AGBL4: variants seen among roughly 807,000 people sequenced by gnomAD.
AGBL4 encodes the protein cytosolic carboxypeptidase 6.
Under a neutral mutation model 66.4 loss-of-function variants are expected in AGBL4, and 58 were observed. That is an observed-to-expected ratio of 0.87 (90% confidence interval 0.71 to 1.09). The LOEUF (loss-of-function observed/expected upper bound fraction) is 1.09. Ranked by LOEUF, AGBL4 falls within the 50% of genes least tolerant of loss-of-function variation. The probability of loss-of-function intolerance (pLI) is 0.00; values close to 1 mark genes in which losing one functional copy is unlikely to be tolerated. For synonymous variants in AGBL4, 234 were observed against 222.9 expected (o/e 1.05, Z -0.44); for missense variants, 579 against 631.0 (o/e 0.92, Z 0.88).
intron 1 of AGBL4, among the ~76,000 whole-genome samples, chr1:49,973,618 A>G (rs1294480237): frequency 6.7e-6 from 1 of 148,438 alleles, no homozygotes; most frequent in Non-Finnish European, 1.5e-5. Flanking sequence ...TGGATTATCT[A>G]TTATACATAT....
chr1:49,125,810 T>C (rs1424045906), intron 4 of AGBL4, among the ~76,000 whole-genome samples: 2 of 152,150 alleles, frequency 1.3e-5, no homozygotes, highest in East Asian at 3.9e-4. Flanking sequence ...TGAGCCCAAA[T>C]CTTTCTTCCA....
chr1:49,730,036 T>C (rs1293489734), intron 2 of AGBL4, among the ~76,000 whole-genome samples: 1 of 152,136 alleles, frequency 6.6e-6, no homozygotes, highest in Non-Finnish European at 1.5e-5. Flanking sequence ...AATCAAACGC[T>C]GCCTCTTTCA....
intron 2 of AGBL4, among the ~76,000 whole-genome samples, chr1:49,785,132 T>C (rs1330913133): frequency 3.3e-5 from 5 of 152,096 alleles, no homozygotes; most frequent in Non-Finnish European, 4.4e-5. Context: ...CTAGAATTTA[T>C]AGAAGTAGAT....
intron 6 of AGBL4, among the ~76,000 whole-genome samples, chr1:48,704,840 A>ATAGTGTAGG (rs1390192348): frequency 6.6e-6 from 1 of 152,208 alleles, no homozygotes; most frequent in Non-Finnish European, 1.5e-5. Context: ...AATTAAAAGT[A>ATAGTGTAGG]TAGTGTAGGA....
chr1:49,519,585 G>T (rs764064261), intron 3 of AGBL4, among the ~76,000 whole-genome samples: 2 of 152,022 alleles, frequency 1.3e-5, no homozygotes, highest in African/African-American at 2.4e-5. Flanking sequence ...CACCACCAGT[G>T]GCTTTGAAAC....
intron 6 of AGBL4, among the ~76,000 whole-genome samples, chr1:48,664,889 G>A (rs1646161481): frequency 6.6e-6 from 1 of 152,202 alleles, no homozygotes; most frequent in South Asian, 2.1e-4. Context: ...AACATTGAGA[G>A]AGGTTGAATT....
chr1:48,716,980 G>A (rs149180282), intron 6 of AGBL4, among the ~76,000 whole-genome samples: 3 of 152,282 alleles, frequency 2.0e-5, no homozygotes, highest in Admixed American at 1.3e-4. Flanking sequence ...ACCGATCCCC[G>A]ATTTAATCCT....
intron 3 of AGBL4, among the ~76,000 whole-genome samples, chr1:49,459,884 T>C (rs977541123): frequency 6.6e-6 from 1 of 151,680 alleles, no homozygotes. Flanking sequence ...ATTCAAATAA[T>C]TTTTTAAATT....
chr1:49,939,197 A>T lies in AGBL4; in HGVS notation c.34+84566T>A, dbSNP rs376569064. ...ACTACAAACCACTGCTCAATGAAAT[A>T]AAAGAGGATACAAACAAATGGAAGA... On this transcript the variant is annotated intron_variant, in intron 1 of 13. Coordinates refer to ENST00000371839, the MANE Select transcript of AGBL4 (RefSeq NM_032785.4). 9.4e-3 allele frequency among the ~76,000 whole-genome samples: 1,429 copies of T among 151,844 alleles called. 46 individuals are homozygous for T. The highest frequency in any genetic ancestry group is 0.07 in the Admixed American group (1,062 of 15,236).
chr1:49,720,468 T>A (rs1648512812), intron 2 of AGBL4, among the ~76,000 whole-genome samples: 1 of 152,194 alleles, frequency 6.6e-6, no homozygotes, highest in African/African-American at 2.4e-5. Flanking sequence ...TCTCCAAATG[T>A]TCATTGAGCA....
At chr1:49,270,285 T>A (rs2148384480) in intron 3 of AGBL4, among the ~76,000 whole-genome samples, 1 of 152,314 alleles carries the variant, frequency 6.6e-6, no homozygotes, top group Non-Finnish European at 1.5e-5. Flanking sequence ...TTGTTTTATG[T>A]CCTTGAAAGC....
intron 1 of AGBL4, among the ~76,000 whole-genome samples, chr1:49,991,027 G>A (rs1659903628): frequency 1.3e-5 from 2 of 152,102 alleles, no homozygotes; most frequent in Non-Finnish European, 2.9e-5. Context: ...CATAGCACAT[G>A]TGAAAAATGT....
chr1:49,754,594 C>T (rs1651752047), intron 2 of AGBL4, among the ~76,000 whole-genome samples: 1 of 152,114 alleles, frequency 6.6e-6, no homozygotes, highest in Non-Finnish European at 1.5e-5. Flanking sequence ...CCAACAGATG[C>T]CAGCTGGAGC....
intron 1 of AGBL4, among the ~76,000 whole-genome samples, chr1:49,861,902 G>T (rs1482268993): frequency 1.3e-5 from 2 of 152,286 alleles, no homozygotes. Flanking sequence ...TATCTGAAAA[G>T]CCTTTACAAG....
At chr1:49,056,267 C>T (rs939573518) in intron 4 of AGBL4, among the ~76,000 whole-genome samples, 2 of 151,366 alleles carry the variant, frequency 1.3e-5, no homozygotes, top group African/African-American at 2.4e-5. Context: ...AAAAAAAAAG[C>T]AATTCCATGC....
At chr1:49,286,895 G>A (rs1473098488) in intron 3 of AGBL4, among the ~76,000 whole-genome samples, 90 of 152,154 alleles carry the variant, frequency 5.9e-4, no homozygotes, top group Middle Eastern at 3.4e-3. Context: ...AAAAGAGCCC[G>A]CATCGCCAAG....
At chr1:49,886,916 T>C (rs1278634183) in intron 1 of AGBL4, among the ~76,000 whole-genome samples, 4 of 152,048 alleles carry the variant, frequency 2.6e-5, no homozygotes, top group African/African-American at 9.7e-5. Context: ...CCAGATTCAA[T>C]TTTCAAAGAG....
chr1:49,936,707 T>G (rs966634374), intron 1 of AGBL4, among the ~76,000 whole-genome samples: 4 of 152,152 alleles, frequency 2.6e-5, no homozygotes, highest in Admixed American at 1.3e-4. Context: ...AAAAGAATTT[T>G]CAACCCAGAA....
chr1:49,709,092 G>A (rs1158254566), intron 2 of AGBL4, among the ~76,000 whole-genome samples: 1 of 152,196 alleles, frequency 6.6e-6, no homozygotes, highest in East Asian at 1.9e-4. Flanking sequence ...GCTGTGCTGG[G>A]AGATCTGCTG....
Sources: gnomAD v4.1 joint callset for allele counts (sites outside exome capture counted in the v4.1 genomes callset) on GRCh38, gnomAD v4.1.1 for gene constraint, MANE v1.5 for transcripts, NCBI Gene and HGNC (gene_info 2026-07-23, HGNC 2026-07-21) for gene names.